The following RAB40A variants were observed in gnomAD, a reference collection of about 807,000 sequenced individuals.
RAB40A encodes RAB40A, member RAS oncogene family, also known as ras-related protein Rab-40A.
For synonymous variants in RAB40A, 65 were observed against 99.9 expected (o/e 0.65, Z 2.08); for missense variants, 145 against 230.2 (o/e 0.63, Z 2.40).
At chrX:103,507,852 CAAATCAAATTT>C (rs2073264566) in intron 2 of RAB40A, among the ~76,000 whole-genome samples, 1 of 112,047 alleles carries the variant, frequency 8.9e-6, no homozygotes, top group Non-Finnish European at 1.9e-5. Flanking sequence ...CCACTCACCA[CAAATCAAATTT>C]AAACTGCACC....
chrX:103,502,943 T>C, intron 2 of RAB40A: 1 of 765,050 alleles, frequency 1.3e-6, no homozygotes, highest in Non-Finnish European at 1.6e-6. Context: ...TGGCTGAGCC[T>C]CTGGGCTAAG....
chrX:103,496,753 C>T (rs752573877), downstream of RAB40A, among the ~76,000 whole-genome samples: 3 of 112,523 alleles, frequency 2.7e-5, 1 homozygote, highest in African/African-American at 9.7e-5. Context: ...GTTCCTGTAG[C>T]ACAGCCTTCA....
At chrX:103,498,825 A>G (rs190360761), downstream of RAB40A, among the ~76,000 whole-genome samples, 5 of 112,513 alleles carry the variant, frequency 4.4e-5, no homozygotes, top group East Asian at 1.4e-3. Flanking sequence ...AGTTCATCCA[A>G]TATCAATTAT....
intron 2 of RAB40A, among the ~76,000 whole-genome samples, chrX:103,507,809 T>TC (rs906921529): frequency 2.7e-5 from 3 of 111,695 alleles, no homozygotes; most frequent in Non-Finnish European, 5.6e-5. Flanking sequence ...AGTTCACCTG[T>TC]CCCAAGGCCA....
chrX:103,506,930 TA>T lies in RAB40A; in HGVS notation c.-70-6105del, dbSNP rs891575500. On this transcript the variant is annotated intron_variant, in intron 2 of 2. Transcript: ENST00000304236. ...TAATTTTTTTTAATTTTATTTCTTC[TA>T]AAAAAATGGGATACATGTGCAGAAC... Among the ~76,000 whole-genome samples the T allele has an allele frequency of 3.6e-5, 4 of 112,129 alleles. No homozygotes were observed. In the East Asian group the frequency reaches 8.4e-4, roughly 23 times the overall value.
chrX:103,496,611 CAATA>C (rs1171474162), downstream of RAB40A, among the ~76,000 whole-genome samples: 2 of 112,458 alleles, frequency 1.8e-5, no homozygotes, highest in Non-Finnish European at 1.9e-5. Flanking sequence ...AGAAATAAAA[CAATA>C]AACAGAATTT....
At chrX:103,494,844 G>A (rs1299952746), downstream of RAB40A, among the ~76,000 whole-genome samples, 1 of 111,322 alleles carries the variant, frequency 9.0e-6, no homozygotes, top group Non-Finnish European at 1.9e-5. Context: ...TTGAAGTGAG[G>A]TATTGTGATT....
intron 2 of RAB40A, among the ~76,000 whole-genome samples, chrX:103,504,678 C>A (rs1159686220): frequency 9.0e-6 from 1 of 111,035 alleles, no homozygotes; most frequent in Non-Finnish European, 1.9e-5. Context: ...TGCGCCACCA[C>A]ACCCGACTAA....
intron 2 of RAB40A, chrX:103,502,340 C>T (rs1278788215): frequency 4.1e-5 from 5 of 123,185 alleles, no homozygotes; most frequent in Non-Finnish European, 9.4e-5. Context: ...CCCTTAAAGA[C>T]AGCACCCTGA....
At chrX:103,494,599 G>A (rs768568423), downstream of RAB40A, among the ~76,000 whole-genome samples, 1 of 111,967 alleles carries the variant, frequency 8.9e-6, no homozygotes, top group African/African-American at 3.2e-5. Context: ...TTTAATTTTT[G>A]TATATGGCAA....
rs1445381780 is a variant in RAB40A at position 103,500,618 on chromosome X, C to T, written c.139G>A (p.Gly47Arg). ...GTGGTCGTCTTGTAGTCGATCCCCC[C>T]GAGATGGCTGTACGGGGACTCAGCT... ...GAAESPYSHL[G>R]GIDYKTTTIL... The change falls in exon 3 of 3, where the codon GGG becomes AGG. Residue 47 changes from glycine (G) to arginine (R), a missense_variant. Gly to Arg is a moderately radical substitution (Grantham distance 125). Transcript: ENST00000304236. 1.7e-6 allele frequency: 2 copies of T among 1,209,045 alleles called. No homozygotes were observed. The highest frequency in any genetic ancestry group is 2.2e-6 in the Non-Finnish European group (2 of 894,902).
downstream of RAB40A, among the ~76,000 whole-genome samples, chrX:103,498,382 C>A (rs1241983091): frequency 8.9e-6 from 1 of 112,525 alleles, no homozygotes; most frequent in Non-Finnish European, 1.9e-5. Context: ...ATAAGAGAGA[C>A]AGAACTGGCA....
intron 2 of RAB40A, among the ~76,000 whole-genome samples, chrX:103,509,842 A>G (rs1295163009): frequency 9.6e-6 from 1 of 104,660 alleles, no homozygotes; most frequent in Non-Finnish European, 1.9e-5. Context: ...GTCTTGCTCT[A>G]TCACCCAGGC....
At chrX:103,506,413 T>C (rs1409159061) in intron 2 of RAB40A, among the ~76,000 whole-genome samples, 1 of 111,972 alleles carries the variant, frequency 8.9e-6, no homozygotes, top group Non-Finnish European at 1.9e-5. Context: ...AAAACTGACA[T>C]GCTTTTAAAA....
chrX:103,500,699 C>T lies in RAB40A; in HGVS notation c.58G>A (p.Val20Met). Residue 20 changes from valine to methionine, a missense_variant, in exon 3 of 3, where the codon GTG (valine) becomes ATG (methionine). Val to Met is a conservative substitution (Grantham distance 21, BLOSUM62 1). Coordinates refer to ENST00000304236, the MANE Select transcript of RAB40A (RefSeq NM_080879.3). ...AYDFLLKFLL[V>M]GDRDVGKSEI... ...CTCTTGCCTACGTCCCTGTCGCCCACCAGCAGGAACTTGAGCAGGAAGTCA... is the reference window on the plus strand; with the variant it reads ...CTCTTGCCTACGTCCCTGTCGCCCATCAGCAGGAACTTGAGCAGGAAGTCA... The T allele has an allele frequency of 8.3e-7, 1 of 1,211,390 alleles. No individual in the cohort carries two copies. Among genetic ancestry groups the T allele is most frequent in the Non-Finnish European group, 1.1e-6 (1 of 895,424 alleles).
At chrX:103,493,643 C>G in the RAB40A span, among the ~76,000 whole-genome samples, 1 of 111,593 alleles carries the variant, frequency 9.0e-6, no homozygotes, top group African/African-American at 3.3e-5. Flanking sequence ...AGTTCAATTG[C>G]GTTCATTTTT....
intron 2 of RAB40A, chrX:103,503,450 GAT>G (rs1358557832): frequency 1.3e-6 from 1 of 749,185 alleles, no homozygotes. Flanking sequence ...GGAGGGAAGA[GAT>G]AAATCAGTGA....
chrX:103,503,122 T>C (rs2073237241), intron 2 of RAB40A: 1 of 752,052 alleles, frequency 1.3e-6, no homozygotes, highest in African/African-American at 2.3e-5. Context: ...TTGAACATCA[T>C]GCCTCTGAGC....
chrX:103,494,173 C>T (rs2073147829), downstream of RAB40A, among the ~76,000 whole-genome samples: 1 of 112,275 alleles, frequency 8.9e-6, no homozygotes, highest in South Asian at 3.7e-4. Context: ...ATTGGCATTT[C>T]TCTGATGATC....
Sources: gnomAD v4.1 joint callset for allele counts (sites outside exome capture counted in the v4.1 genomes callset) on GRCh38, gnomAD v4.1.1 for gene constraint, MANE v1.5 for transcripts, NCBI Gene and HGNC (gene_info 2026-07-23, HGNC 2026-07-21) for gene names.